NDST4: variants seen among roughly 807,000 people sequenced by gnomAD.
The protein encoded by NDST4 is N-heparan sulfate sulfotransferase 4.
NDST4 carries 63 observed loss-of-function variants against 100.8 expected under a neutral mutation model. The observed-to-expected ratio is 0.62, with a 90% confidence interval of 0.51 to 0.77. NDST4 has a LOEUF of 0.77. Ranked by LOEUF, NDST4 falls within the 30% of genes least tolerant of loss-of-function variation. The pLI is 0.00. For synonymous variants in NDST4, 377 were observed against 361.8 expected, an observed-to-expected ratio of 1.04 and a Z score of -0.48; for missense variants, 943 against 1,018.4, an observed-to-expected ratio of 0.93 and a Z score of 1.01.
intron 6 of NDST4, among the ~76,000 whole-genome samples, chr4:114,911,053 G>A (rs1341004099): frequency 1.3e-5 from 2 of 152,056 alleles, no homozygotes; most frequent in African/African-American, 4.8e-5. Flanking sequence ...GTTTTAAAAC[G>A]TAATCTGATT....
chr4:114,828,573 A>T (rs1169393772), intron 13 of NDST4, among the ~76,000 whole-genome samples: 1 of 152,046 alleles, frequency 6.6e-6, no homozygotes, highest in Non-Finnish European at 1.5e-5. Flanking sequence ...TGCTAAAAAA[A>T]ATATGAATGG....
At chr4:114,877,063 AAC>A (rs113975512) in intron 6 of NDST4, among the ~76,000 whole-genome samples, 2,800 of 145,342 alleles carry the variant, frequency 0.019, 75 homozygotes, top group African/African-American at 0.059. Context: ...AAGTGTTATT[AAC>A]ACACACACAC....
At chr4:115,059,555 A>T (rs923597770) in intron 2 of NDST4, among the ~76,000 whole-genome samples, 6 of 152,056 alleles carry the variant, frequency 3.9e-5, no homozygotes, top group African/African-American at 1.4e-4. Flanking sequence ...AAAGATGTGA[A>T]CAAAATTATT....
chr4:115,067,792 G>A (rs1282955606), intron 2 of NDST4, among the ~76,000 whole-genome samples: 1 of 151,098 alleles, frequency 6.6e-6, no homozygotes, highest in African/African-American at 2.4e-5. Context: ...TGTGCACAAC[G>A]TGCAGGTTTG....
In NDST4 at chr4:115,029,368, G is replaced by T. The variant is rs1483047392; in HGVS notation, c.978+46691C>A. ...GGATTGTGGCACAGGTTAAGGCATT[G>T]GTTTTAAACAGCAAAAGGGACTCTT... On this transcript the variant is annotated intron_variant, in intron 2 of 13. Coordinates refer to ENST00000264363, the MANE Select transcript of NDST4 (RefSeq NM_022569.3). Among the ~76,000 whole-genome samples, 16 of 152,022 alleles carry T rather than the reference G, an allele frequency of 1.1e-4. 1 individual carries two copies. Among genetic ancestry groups the T allele is most frequent in the Admixed American group, 9.8e-4 (15 of 15,230 alleles).
intron 2 of NDST4, among the ~76,000 whole-genome samples, chr4:115,058,192 C>T (rs1470719922): frequency 6.6e-6 from 1 of 152,122 alleles, no homozygotes; most frequent in Non-Finnish European, 1.5e-5. Flanking sequence ...GATACTTTTA[C>T]CTTTTCATAG....
chr4:114,965,224 A>G lies in NDST4; in HGVS notation c.1221+5206T>C, dbSNP rs190959604. Among the ~76,000 whole-genome samples the G allele has an allele frequency of 9.2e-5, 14 of 152,214 alleles. No individual in the cohort carries two copies. The East Asian group carries it at 2.5e-3, about 27-fold the overall frequency. On this transcript the variant is annotated intron_variant, in intron 4 of 13. Transcript: ENST00000264363. ...AAGGCTGTAAACTGGATAATCCAGT[A>G]AAAATACTGTAAAGCATTGTCAACA...
intron 11 of NDST4, among the ~76,000 whole-genome samples, chr4:114,835,865 AT>A (rs1723295501): frequency 6.6e-6 from 1 of 152,234 alleles, no homozygotes; most frequent in African/African-American, 2.4e-5. Flanking sequence ...CTGTTATTTA[AT>A]GCCCTTCTTT....
intron 2 of NDST4, among the ~76,000 whole-genome samples, chr4:115,031,861 G>A (rs1315657465): frequency 6.6e-6 from 1 of 151,822 alleles, no homozygotes; most frequent in Non-Finnish European, 1.5e-5. Context: ...TAATGCCATG[G>A]TCTTCAACAA....
chr4:114,950,943 C>T (rs77337405), intron 4 of NDST4, among the ~76,000 whole-genome samples: 2 of 152,064 alleles, frequency 1.3e-5, no homozygotes, highest in South Asian at 2.1e-4. Context: ...CTCAGCGTCT[C>T]GATCATTTTT....
chr4:115,057,182 T>G (rs1488833261), intron 2 of NDST4, among the ~76,000 whole-genome samples: 1 of 152,122 alleles, frequency 6.6e-6, no homozygotes, highest in Non-Finnish European at 1.5e-5. Context: ...AATATATCAA[T>G]GGAGGTACAG....
chr4:115,023,577 A>T (rs1727909607), intron 2 of NDST4, among the ~76,000 whole-genome samples: 2 of 152,042 alleles, frequency 1.3e-5, no homozygotes, highest in Admixed American at 6.6e-5. Context: ...TAAATCACAT[A>T]CAGTAAGATG....
intron 2 of NDST4, 96 bp downstream of exon 2, chr4:115,075,963 A>C (rs1729171095): frequency 7.0e-7 from 1 of 1,423,482 alleles, no homozygotes; most frequent in Non-Finnish European, 9.4e-7. Context: ...ACTGCACCTT[A>C]AAACTTTAGG....
Position 115,076,570 on chromosome 4 carries a change from T to C in NDST4, c.467A>G (p.Glu156Gly), listed in dbSNP as rs747500788. 6.2e-7 allele frequency: 1 copy of C among 1,613,958 alleles called. No homozygotes were observed. Among genetic ancestry groups the C allele is most frequent in the Non-Finnish European group, 8.5e-7 (1 of 1,179,902 alleles). Residue 156 changes from glutamate (E) to glycine (G), a missense_variant, in exon 2 of 14, where the codon GAA becomes GGA. Physicochemically the swap from Glu to Gly is moderately conservative, Grantham distance 98 (BLOSUM62 -2). Coordinates refer to ENST00000264363, the MANE Select transcript of NDST4 (RefSeq NM_022569.3). ...AAAACCGATTATACTAACACTGTAT[T>C]CCACACAGTATTTTTCTAAAAGCTC... ...NRELLEKYCV[E>G]YSVSIIGFHK...
intron 6 of NDST4, among the ~76,000 whole-genome samples, chr4:114,913,320 A>G (rs1181490759): frequency 6.6e-6 from 1 of 152,016 alleles, no homozygotes; most frequent in Non-Finnish European, 1.5e-5. Flanking sequence ...TTGGAAGAAA[A>G]CTTGGGACAT....
intron 2 of NDST4, among the ~76,000 whole-genome samples, chr4:115,014,858 T>C (rs1245835594): frequency 6.6e-6 from 1 of 152,082 alleles, no homozygotes; most frequent in East Asian, 1.9e-4. Flanking sequence ...GCCACAAAGT[T>C]ACCATGCAAC....
At chr4:114,946,080 T>A (rs1725856801) in intron 4 of NDST4, among the ~76,000 whole-genome samples, 1 of 152,218 alleles carries the variant, frequency 6.6e-6, no homozygotes, top group South Asian at 2.1e-4. Context: ...TTCTTGACCC[T>A]GCTGAAGGTC....
At chr4:115,025,375 T>A (rs1173341466) in intron 2 of NDST4, among the ~76,000 whole-genome samples, 1 of 152,174 alleles carries the variant, frequency 6.6e-6, no homozygotes, top group Non-Finnish European at 1.5e-5. Flanking sequence ...TTTGATAGCT[T>A]AGTTATCTTA....
intron 1 of NDST4, among the ~76,000 whole-genome samples, chr4:115,087,158 G>C (rs1729424200): frequency 1.3e-5 from 2 of 151,916 alleles, no homozygotes; most frequent in Admixed American, 1.3e-4. Context: ...ACCTTACTTA[G>C]GATGACTTTG....
Sources: allele counts gnomAD v4.1 joint callset (sites outside exome capture counted in the v4.1 genomes callset), GRCh38; gene constraint gnomAD v4.1.1; transcripts MANE v1.5; gene names NCBI Gene and HGNC (gene_info 2026-07-23, HGNC 2026-07-21).